PRKCZ: variants seen among roughly 807,000 people sequenced by gnomAD.
PRKCZ encodes the protein protein kinase C zeta type.
In PRKCZ, 33 loss-of-function variants were observed where a neutral mutation model predicts 79.5. The observed-to-expected ratio is 0.41, with a 90% CI of 0.31 to 0.55. The LOEUF (loss-of-function observed/expected upper bound fraction) is 0.55, where lower values mean the gene tolerates loss of function less well. PRKCZ is among the 20% of genes least tolerant of loss of function. PRKCZ has a pLI of 0.19. For synonymous variants in PRKCZ, 342 were observed against 320.9 expected (o/e 1.07, Z -0.70); for missense variants, 578 against 813.5 (o/e 0.71, Z 3.52).
At chr1:2,179,937 A>G (rs2480711) in intron 16 of PRKCZ, among the ~76,000 whole-genome samples, 70,693 of 152,080 alleles carry the variant, frequency 0.46, 17,513 homozygotes, top group African/African-American at 0.65. Flanking sequence ...GCAGGTGACA[A>G]GAGGCCCACA....
At chr1:2,135,241 C>T (rs1331379843) in intron 4 of PRKCZ, 21 bp from the exon 5 acceptor site, 1 of 1,600,454 alleles carries the variant, frequency 6.2e-7, no homozygotes, top group Admixed American at 1.7e-5. Context: ...TTTCTTTACA[C>T]CTTTCTCATA....
chr1:2,085,393 C>T (rs1664312930), intron 4 of PRKCZ, among the ~76,000 whole-genome samples: 4 of 152,274 alleles, frequency 2.6e-5, no homozygotes. Flanking sequence ...CATCTTACTG[C>T]TCACCTGGGT....
chr1:2,110,881 G>A (rs1458865447), intron 4 of PRKCZ, among the ~76,000 whole-genome samples: 1 of 152,118 alleles, frequency 6.6e-6, no homozygotes, highest in East Asian at 1.9e-4. Context: ...CCAGGGTGGG[G>A]CTGGTGGACG....
At chr1:2,147,980 T>C (rs976519700) in intron 7 of PRKCZ, among the ~76,000 whole-genome samples, 16 of 149,362 alleles carry the variant, frequency 1.1e-4, no homozygotes, top group African/African-American at 3.7e-4. Flanking sequence ...TATCCATCTA[T>C]TGTCCACTGA....
intron 4 of PRKCZ, among the ~76,000 whole-genome samples, chr1:2,089,640 C>G (rs1441642966): frequency 2.0e-5 from 3 of 152,150 alleles, no homozygotes; most frequent in Non-Finnish European, 4.4e-5. Flanking sequence ...AGGCCACAAC[C>G]TTACCACCTC....
At position 2,075,559 on chromosome 1, in the gene PRKCZ, G is replaced by C. The variant is rs536071261; in HGVS notation, c.334+15968G>C. On this transcript the variant is annotated intron_variant, in intron 4 of 17. Transcript: ENST00000378567. The surrounding 1 kb of genome is among the most constrained non-coding windows in gnomAD (Gnocchi z 4.8). ...CAGCCATCAGTGGGGGCCCTTCTCC[G>C]ACCGTCTTCCTAGACTTCAGAGCCA... 6.6e-6 allele frequency among the ~76,000 whole-genome samples: 1 copy of C among 152,158 alleles called. No individual in the cohort carries two copies. Among genetic ancestry groups the C allele is most frequent in the Non-Finnish European group, 1.5e-5 (1 of 68,024 alleles).
chr1:2,162,449 T>G (rs917307766), intron 10 of PRKCZ, among the ~76,000 whole-genome samples: 1 of 152,216 alleles, frequency 6.6e-6, no homozygotes, highest in Non-Finnish European at 1.5e-5. Flanking sequence ...GGCATTTTCA[T>G]TGGGATTTGT....
chr1:2,140,771 C>T (rs748760690), intron 5 of PRKCZ, among the ~76,000 whole-genome samples: 16 of 152,162 alleles, frequency 1.1e-4, no homozygotes, highest in East Asian at 1.9e-4. Context: ...GGGTTCGAGA[C>T]GAGCCTGGCC....
At chr1:2,144,376 G>T (rs770814498) in intron 6 of PRKCZ, 35 bp downstream of exon 6, 10 of 1,548,780 alleles carry the variant, frequency 6.5e-6, no homozygotes, top group Non-Finnish European at 7.9e-6. Context: ...CGGGGGGCAC[G>T]GGCGGGGTCG....
intron 10 of PRKCZ, among the ~76,000 whole-genome samples, chr1:2,158,205 C>T (rs986649005): frequency 6.6e-5 from 10 of 152,224 alleles, no homozygotes; most frequent in African/African-American, 2.4e-5. Flanking sequence ...GGTCCCCCAC[C>T]CTCCCCACCT....
At chr1:2,072,718 GC>G (rs1661712422) in intron 4 of PRKCZ, among the ~76,000 whole-genome samples, 1 of 152,136 alleles carries the variant, frequency 6.6e-6, no homozygotes, top group Non-Finnish European at 1.5e-5. Context: ...GAATCGGTTG[GC>G]CTCTCGGGGC....
chr1:2,085,989 T>TC (rs922044052), intron 4 of PRKCZ, among the ~76,000 whole-genome samples: 2 of 152,098 alleles, frequency 1.3e-5, no homozygotes, highest in Admixed American at 1.3e-4. Flanking sequence ...CTCCCCTCCC[T>TC]GTTGAAAGGA....
chr1:2,093,022 T>C (rs1170583714), intron 4 of PRKCZ, among the ~76,000 whole-genome samples: 1 of 152,184 alleles, frequency 6.6e-6, no homozygotes, highest in African/African-American at 2.4e-5. Flanking sequence ...CACCCCCCAG[T>C]TACACCCACA....
intron 4 of PRKCZ, chr1:2,071,342 A>C: frequency 2.1e-6 from 1 of 470,284 alleles, no homozygotes; most frequent in Non-Finnish European, 4.2e-6. Context: ...AGTGTGTTCC[A>C]GGCCCCGGCG....
At chr1:2,148,759 G>A in intron 7 of PRKCZ, 113 bp from the exon 8 acceptor site, 1 of 1,046,268 alleles carries the variant, frequency 9.6e-7, no homozygotes, top group East Asian at 2.5e-5. Flanking sequence ...GCTGCTGTGT[G>A]GATTCACCCT....
At chr1:2,081,847 G>A (rs1663593964) in intron 4 of PRKCZ, among the ~76,000 whole-genome samples, 1 of 150,058 alleles carries the variant, frequency 6.7e-6, no homozygotes, top group Non-Finnish European at 1.5e-5. Context: ...TCCCCTTCCT[G>A]CTGCCCTCTG....
intron 4 of PRKCZ, among the ~76,000 whole-genome samples, chr1:2,107,938 C>T (rs2102672118): frequency 6.6e-6 from 1 of 150,916 alleles, no homozygotes; most frequent in Middle Eastern, 3.4e-3. Context: ...CCGGCAGTGT[C>T]AAGGGAGCCC....
chr1:2,172,708 G>A lies in PRKCZ; in HGVS notation c.1285+320G>A, dbSNP rs1684667089. On this transcript the variant is annotated intron_variant, in intron 13 of 17. Transcript: ENST00000378567. The surrounding 1 kb of genome is among the most constrained non-coding windows in gnomAD (Gnocchi z 7.8). ...GCACCTGAGTCCCCGTGCTGCACGA[G>A]TGGCTGGGGGAGAAGCTGTTGTCTG... Among the ~76,000 whole-genome samples the A allele has an allele frequency of 6.6e-6, 1 of 152,242 alleles. No individual in the cohort carries two copies. The highest frequency in any genetic ancestry group is 2.4e-5 in the African/African-American group (1 of 41,466).
rs2100216848 is a variant in PRKCZ, at chr1:2,168,214, G to A, written c.975-1304G>A. On this transcript the variant is annotated intron_variant, in intron 10 of 17. Transcript: ENST00000378567. This position sits in a 1 kb window ranked among gnomAD's most constrained non-coding sequence, Gnocchi z 4.7. ...TGTTAGCAACTCCCTCTGCCACGGT[G>A]GCTGGAAAGCAGACATAGAAAATAG... Among the ~76,000 whole-genome samples the A allele has an allele frequency of 6.6e-6, 1 of 152,296 alleles. No individual in the cohort carries two copies. The highest frequency in any genetic ancestry group is 2.1e-4 in the South Asian group (1 of 4,830).
Sources: gnomAD v4.1 joint callset for allele counts (sites outside exome capture counted in the v4.1 genomes callset) on GRCh38, gnomAD v4.1.1 for gene constraint, Gnocchi (gnomAD v3.1) non-coding constraint, MANE v1.5 for transcripts, NCBI Gene and HGNC (gene_info 2026-07-23, HGNC 2026-07-21) for gene names.